The following PDE4B variants were observed in gnomAD, a reference collection of about 807,000 sequenced individuals.
PDE4B encodes the protein phosphodiesterase 4B.
In PDE4B, 20 loss-of-function variants were observed where a neutral mutation model predicts 82.2. The observed-to-expected ratio is 0.24, with a 90% CI of 0.17 to 0.35. The LOEUF is 0.35. PDE4B is among the 10% of genes least tolerant of loss of function. The probability of loss-of-function intolerance (pLI) is 1.00; values close to 1 mark genes in which losing one functional copy is unlikely to be tolerated. For missense variants in PDE4B, 655 were observed against 907.2 expected (o/e 0.72, Z 3.57); for synonymous variants, 320 against 318.9 (o/e 1.00, Z -0.04).
At chr1:66,170,590 A>G (rs1423003596) in intron 3 of PDE4B, among the ~76,000 whole-genome samples, 3 of 152,222 alleles carry the variant, frequency 2.0e-5, no homozygotes, top group Non-Finnish European at 2.9e-5. Flanking sequence ...GACAAATTGT[A>G]AAGATTTTCT....
chr1:66,054,558 G>T (rs144551442), intron 3 of PDE4B, among the ~76,000 whole-genome samples: 116 of 152,176 alleles, frequency 7.6e-4, no homozygotes, highest in African/African-American at 2.5e-3. Context: ...AATTGGCTTC[G>T]TCTCATTTGA....
chr1:66,213,067 G>A (rs1005525283), intron 3 of PDE4B, among the ~76,000 whole-genome samples: 3 of 152,000 alleles, frequency 2.0e-5, no homozygotes, highest in African/African-American at 7.3e-5. Flanking sequence ...TCCCCAGTTA[G>A]GTTCTTCCCA....
At chr1:66,287,973 C>T (rs1198569052) in intron 7 of PDE4B, among the ~76,000 whole-genome samples, 1 of 150,628 alleles carries the variant, frequency 6.6e-6, no homozygotes, top group Non-Finnish European at 1.5e-5. Flanking sequence ...GACCCTGTCT[C>T]TAAAAAAACA....
At chr1:66,044,673 T>C (rs913227783) in intron 3 of PDE4B, among the ~76,000 whole-genome samples, 1 of 151,792 alleles carries the variant, frequency 6.6e-6, no homozygotes, top group African/African-American at 2.4e-5. Flanking sequence ...ATATTTCTTT[T>C]GTGCTTCATA....
At position 65,996,389 on chromosome 1, in the gene PDE4B, G is replaced by A. The variant is rs143520948; in HGVS notation, c.281+77554G>A. Reference sequence around the variant, plus strand: ...TGGATATTATTAATAAAAAAGATGCGTAAGAGCCTGCATGAATCTGAAGAT... The same window carrying A: ...TGGATATTATTAATAAAAAAGATGCATAAGAGCCTGCATGAATCTGAAGAT... On this transcript the variant is annotated intron_variant, in intron 3 of 16. Coordinates refer to ENST00000341517, the MANE Select transcript of PDE4B (RefSeq NM_002600.4). 1.2e-3 allele frequency among the ~76,000 whole-genome samples: 175 copies of A among 151,366 alleles called. No homozygotes were observed. The East Asian group carries it at 0.012, about 10-fold the overall frequency.
Position 66,079,784 on chromosome 1 carries a change from T to C in PDE4B, c.281+160949T>C, listed in dbSNP as rs548038197. Reference sequence around the variant, plus strand: ...TGAGACAGAACTGAGAATGAAAGTATTAAAATGAAGTATGTGAGAACTCTA... The same window carrying C: ...TGAGACAGAACTGAGAATGAAAGTACTAAAATGAAGTATGTGAGAACTCTA... On this transcript the variant is annotated intron_variant, in intron 3 of 16. Transcript: ENST00000341517. Among the ~76,000 whole-genome samples the C allele has an allele frequency of 1.4e-4, 22 of 152,224 alleles. No individual in the cohort carries two copies. In the South Asian group the frequency reaches 2.9e-3, roughly 20 times the overall value.
At chr1:65,935,986 A>C (rs1004069562) in intron 3 of PDE4B, among the ~76,000 whole-genome samples, 1 of 152,218 alleles carries the variant, frequency 6.6e-6, no homozygotes, top group African/African-American at 2.4e-5. Flanking sequence ...AACACGTTGT[A>C]TAGCTGCATA....
chr1:66,029,826 G>A (rs1249064217), intron 3 of PDE4B, among the ~76,000 whole-genome samples: 1 of 151,992 alleles, frequency 6.6e-6, no homozygotes, highest in Non-Finnish European at 1.5e-5. Context: ...GCTTAAATTT[G>A]AAATAACCAC....
chr1:65,959,078 G>A (rs985396122), intron 3 of PDE4B, among the ~76,000 whole-genome samples: 10 of 152,272 alleles, frequency 6.6e-5, no homozygotes, highest in East Asian at 1.9e-4. Flanking sequence ...GGCTAACACC[G>A]CTGTGCCTTG....
At chr1:66,175,048 A>G (rs1646907838) in intron 3 of PDE4B, among the ~76,000 whole-genome samples, 2 of 152,096 alleles carry the variant, frequency 1.3e-5, no homozygotes, top group African/African-American at 2.4e-5. Context: ...CTATGATCCA[A>G]TCACCTCCCA....
chr1:65,947,783 TAAGACTTTGGAGGGAGCATA>T (rs1299944343), intron 3 of PDE4B, among the ~76,000 whole-genome samples: 1 of 151,864 alleles, frequency 6.6e-6, no homozygotes, highest in Admixed American at 6.6e-5. Flanking sequence ...ATCCTCCTTC[TAAGACTTTGGAGGGAGCATA>T]GACCTGCTGA....
At position 65,840,024 on chromosome 1, in the gene PDE4B, T is replaced by A. The variant is rs182289833; in HGVS notation, c.-71+46776T>A. Among the ~76,000 whole-genome samples the A allele has an allele frequency of 3.6e-3, 543 of 151,982 alleles. 3 individuals are homozygous for A. Among genetic ancestry groups the A allele is most frequent in the African/African-American group, 0.013 (519 of 41,464 alleles). ...GATTTGCATTGATTTTAAATATATATAAAAAAAATAAGCCAAGTGAAGTTA... is the reference window on the plus strand; with the variant it reads ...GATTTGCATTGATTTTAAATATATAAAAAAAAAATAAGCCAAGTGAAGTTA... On this transcript the variant is annotated intron_variant, in intron 1 of 16. Coordinates refer to ENST00000341517, the MANE Select transcript of PDE4B (RefSeq NM_002600.4).
rs140528346 is a variant in PDE4B, at chr1:65,853,953, G to A, written c.-70-59292G>A. Among the ~76,000 whole-genome samples, 567 of 152,166 alleles carry A rather than the reference G, an allele frequency of 3.7e-3. 1 individual carries two copies. Among genetic ancestry groups the A allele is most frequent in the Non-Finnish European group, 5.6e-3 (380 of 68,008 alleles). On this transcript the variant is annotated intron_variant, in intron 1 of 16. Transcript: ENST00000341517. ...ATTTTCTTTCTTATGTGCCCAATAT[G>A]GAGTTATTTATTGACCATCCTTTGG... is the stretch of plus-strand genomic sequence containing the variant.
At chr1:65,977,651 A>T (rs1650479358) in intron 3 of PDE4B, among the ~76,000 whole-genome samples, 1 of 152,208 alleles carries the variant, frequency 6.6e-6, no homozygotes, top group African/African-American at 2.4e-5. Context: ...GGCGATGTAT[A>T]GTTCTTGTTC....
intron 1 of PDE4B, among the ~76,000 whole-genome samples, chr1:65,900,442 C>CT (rs1217321059): frequency 1.3e-5 from 2 of 151,796 alleles, no homozygotes; most frequent in African/African-American, 4.8e-5. Flanking sequence ...TATCTGGGCT[C>CT]TTTTTTTAAT....
At chr1:66,088,669 A>C (rs899950087) in intron 3 of PDE4B, among the ~76,000 whole-genome samples, 2 of 152,108 alleles carry the variant, frequency 1.3e-5, no homozygotes, top group Non-Finnish European at 2.9e-5. Flanking sequence ...ATACTATTGA[A>C]TATTCAACAA....
intron 3 of PDE4B, among the ~76,000 whole-genome samples, chr1:66,228,556 G>A (rs551349361): frequency 1.2e-3 from 183 of 151,894 alleles, no homozygotes; most frequent in African/African-American, 3.5e-3. Flanking sequence ...CCCGGGAGGC[G>A]GAGCTTGCAG....
intron 1 of PDE4B, among the ~76,000 whole-genome samples, chr1:65,887,409 C>CTTTT (rs1646801165): frequency 9.5e-5 from 1 of 10,536 alleles, no homozygotes; most frequent in Non-Finnish European, 1.5e-4. Flanking sequence ...TTTTCTTTTT[C>CTTTT]TTCTGTTTTT....
chr1:66,193,121 A>T (rs1406567259), intron 3 of PDE4B, among the ~76,000 whole-genome samples: 1 of 152,166 alleles, frequency 6.6e-6, no homozygotes, highest in Non-Finnish European at 1.5e-5. Context: ...AAGGTACCTG[A>T]CTTCATGATC....
Sources: gnomAD v4.1 joint callset for allele counts (sites outside exome capture counted in the v4.1 genomes callset) on GRCh38, gnomAD v4.1.1 for gene constraint, MANE v1.5 for transcripts, NCBI Gene and HGNC (gene_info 2026-07-23, HGNC 2026-07-21) for gene names.